Variants in OPHN1 observed in about 807,000 individuals in gnomAD.
OPHN1 encodes the protein oligophrenin-1.
OPHN1 carries 11 observed loss-of-function variants against 60.7 expected under a neutral mutation model. The observed-to-expected ratio is 0.18, with a 90% confidence interval of 0.11 to 0.30. The LOEUF is 0.30. Among genes scored for constraint, OPHN1 ranks in the 10% least tolerant of loss-of-function variants. The pLI is 1.00. For missense variants in OPHN1, 449 were observed against 611.0 expected (o/e 0.73, Z 2.80); for synonymous variants, 226 against 222.6 (o/e 1.02, Z -0.14).
chrX:68,119,344 A>T lies in OPHN1; in HGVS notation c.1277-12T>A. The T allele has an allele frequency of 8.8e-7, 1 of 1,142,398 alleles. No individual in the cohort carries two copies. The highest frequency in any genetic ancestry group is 1.2e-6 in the Non-Finnish European group (1 of 833,234). The allele number at this position is 1,142,398 out of a possible 1,213,427, so 94.1% of individuals were successfully genotyped here. On this transcript the variant is annotated splice_polypyrimidine_tract_variant and intron_variant, in intron 15 of 24. Transcript: ENST00000355520. Reference sequence around the variant, plus strand: ...TGGGCATTTAGGATCTATTTGAGAAAAGTAAACAAAAAACAAAAGTTAATC... The same window carrying T: ...TGGGCATTTAGGATCTATTTGAGAATAGTAAACAAAAAACAAAAGTTAATC...
At chrX:68,124,863 G>T (rs1283096169) in intron 15 of OPHN1, among the ~76,000 whole-genome samples, 1 of 110,987 alleles carries the variant, frequency 9.0e-6, no homozygotes, top group Non-Finnish European at 1.9e-5. Flanking sequence ...ACCCAGGCTG[G>T]TCTTGAACTC....
chrX:68,094,287 C>T (rs1602151367), intron 19 of OPHN1, among the ~76,000 whole-genome samples: 1 of 111,384 alleles, frequency 9.0e-6, no homozygotes, highest in Non-Finnish European at 1.9e-5. Flanking sequence ...GAGGACTTAT[C>T]GGGTTACCTC....
intron 5 of OPHN1, among the ~76,000 whole-genome samples, chrX:68,267,042 T>C (rs998943310): frequency 2.7e-5 from 3 of 111,085 alleles, no homozygotes; most frequent in South Asian, 7.6e-4. Context: ...TCCTTAGAGA[T>C]CGAGAAAGAG....
At chrX:68,181,189 A>G (rs2077434952) in intron 15 of OPHN1, among the ~76,000 whole-genome samples, 1 of 111,035 alleles carries the variant, frequency 9.0e-6, no homozygotes, top group Non-Finnish European at 1.9e-5. Flanking sequence ...AATTTGTTTG[A>G]TCAGAAGACT....
At chrX:68,109,044 G>C (rs2077093230) in intron 18 of OPHN1, among the ~76,000 whole-genome samples, 1 of 110,825 alleles carries the variant, frequency 9.0e-6, no homozygotes, top group African/African-American at 3.3e-5. Context: ...CCTTTTTAAA[G>C]GTTATAATTA....
chrX:68,174,366 A>G (rs1408422808), intron 15 of OPHN1, among the ~76,000 whole-genome samples: 3 of 111,480 alleles, frequency 2.7e-5, no homozygotes, highest in Non-Finnish European at 5.6e-5. Context: ...ATAGTAAAAA[A>G]GAAGTTTCAA....
At chrX:68,431,184 C>T (rs1193137294) in intron 2 of OPHN1, among the ~76,000 whole-genome samples, 4 of 112,176 alleles carry the variant, frequency 3.6e-5, no homozygotes, top group Non-Finnish European at 5.6e-5. Context: ...TCCTTAACCT[C>T]TTAAGGATCA....
At chrX:68,310,153 C>T (rs2078165982) in intron 2 of OPHN1, among the ~76,000 whole-genome samples, 1 of 111,164 alleles carries the variant, frequency 9.0e-6, no homozygotes, top group African/African-American at 3.3e-5. Context: ...GCATAACTAC[C>T]ATGAATAACA....
At chrX:68,276,260 C>T (rs893734812) in intron 4 of OPHN1, among the ~76,000 whole-genome samples, 1 of 111,468 alleles carries the variant, frequency 9.0e-6, no homozygotes, top group African/African-American at 3.3e-5. Context: ...TCTACTGGAT[C>T]TATGAAACCC....
At chrX:68,358,145 TAAAATAA>T (rs2078452092) in intron 2 of OPHN1, among the ~76,000 whole-genome samples, 3 of 102,887 alleles carry the variant, frequency 2.9e-5, no homozygotes, top group Non-Finnish European at 5.9e-5. Flanking sequence ...AAAAAAATAA[TAAAATAA>T]AATAAAATAA....
chrX:68,069,369 G>T (rs929361964), intron 20 of OPHN1, among the ~76,000 whole-genome samples: 4 of 111,580 alleles, frequency 3.6e-5, no homozygotes, highest in African/African-American at 1.3e-4. Flanking sequence ...TATTTGGGGA[G>T]ACTGTAAATA....
chrX:68,320,708 T>C (rs5965546), intron 2 of OPHN1, among the ~76,000 whole-genome samples: 8,333 of 110,388 alleles, frequency 0.075, 815 homozygotes, highest in African/African-American at 0.26. Context: ...TACCTGGAGA[T>C]AGCATCAGAT....
chrX:68,431,973 T>C (rs2078888220), intron 2 of OPHN1, among the ~76,000 whole-genome samples: 1 of 111,179 alleles, frequency 9.0e-6, no homozygotes, highest in Admixed American at 9.6e-5. Context: ...GTGTATATGC[T>C]TTGGCATAAA....
intron 12 of OPHN1, among the ~76,000 whole-genome samples, chrX:68,195,866 G>A (rs1217300263): frequency 8.9e-6 from 1 of 111,911 alleles, no homozygotes; most frequent in Non-Finnish European, 1.9e-5. Flanking sequence ...CACATTCAGT[G>A]GGCCCATGTG....
At chrX:68,212,062 A>C (rs773813967) in intron 8 of OPHN1, 46 bp downstream of exon 8, 3 of 954,640 alleles carry the variant, frequency 3.1e-6, no homozygotes, top group Non-Finnish European at 4.5e-6. Context: ...GCTGAAATTC[A>C]ATCGGAATGG....
At chrX:68,082,913 C>T (rs1321520453) in intron 19 of OPHN1, among the ~76,000 whole-genome samples, 3 of 111,109 alleles carry the variant, frequency 2.7e-5, no homozygotes, top group Non-Finnish European at 5.7e-5. Context: ...TTAGTGTTGC[C>T]ACCTTCATCA....
chrX:68,218,312 C>A (rs753715917), intron 6 of OPHN1, among the ~76,000 whole-genome samples: 2,316 of 106,142 alleles, frequency 0.022, 63 homozygotes, highest in African/African-American at 0.076. Context: ...ATTGGTGTAC[C>A]TGAAAGGGAT....
chrX:68,153,919 T>C lies in OPHN1; in HGVS notation c.1277-34587A>G, dbSNP rs1481031922. Among the ~76,000 whole-genome samples the C allele has an allele frequency of 2.7e-5, 3 of 111,824 alleles. No individual in the cohort carries two copies. In the South Asian group the frequency reaches 1.1e-3, roughly 42 times the overall value. The stretch of plus-strand genomic sequence containing the variant: ...TGTTTCTATTACCATTAAAGAATAA[T>C]ATTAACATTTTTCAAAATTATATGT... On this transcript the variant is annotated intron_variant, in intron 15 of 24. Coordinates refer to ENST00000355520, the MANE Select transcript of OPHN1 (RefSeq NM_002547.3).
chrX:68,169,181 T>C (rs1402670572), intron 15 of OPHN1, among the ~76,000 whole-genome samples: 1 of 111,381 alleles, frequency 9.0e-6, no homozygotes, highest in Non-Finnish European at 1.9e-5. Flanking sequence ...CCATTCACAA[T>C]TGCTTCAAAG....
Sources: gnomAD v4.1 joint callset for allele counts (sites outside exome capture counted in the v4.1 genomes callset) on GRCh38, gnomAD v4.1.1 for gene constraint, MANE v1.5 for transcripts, NCBI Gene and HGNC (gene_info 2026-07-23, HGNC 2026-07-21) for gene names.